Variants in JAK1 observed in about 807,000 individuals in gnomAD.
The protein encoded by JAK1 is Janus kinase 1.
Under a neutral mutation model 136.6 loss-of-function variants are expected in JAK1, and 16 were observed. The ratio of observed to expected loss-of-function variants is 0.12; its 90% CI spans 0.08 to 0.18. The LOEUF is 0.18. Among genes scored for constraint, JAK1 ranks in the 10% least tolerant of loss-of-function variants. JAK1 has a pLI of 1.00. For synonymous variants in JAK1, 492 were observed against 519.5 expected, an observed-to-expected ratio of 0.95 and a Z score of 0.72; for missense variants, 859 against 1,450.1, an observed-to-expected ratio of 0.59 and a Z score of 6.62.
chr1:64,869,283 C>A, intron 6 of JAK1, 28 bp downstream of exon 6: 7 of 1,604,608 alleles, frequency 4.4e-6, no homozygotes, highest in South Asian at 1.1e-5. Context: ...TCCTCACAAT[C>A]AATTCTTCAG....
chr1:64,847,731 G>T, intron 12 of JAK1, 56 bp from the exon 13 acceptor site: 1 of 1,579,932 alleles, frequency 6.3e-7, no homozygotes, highest in Admixed American at 1.8e-5. Flanking sequence ...GTGATGGACC[G>T]TCTGGGAATG....
intron 1 of JAK1, among the ~76,000 whole-genome samples, chr1:64,945,734 T>C (rs1207991169): frequency 1.3e-5 from 2 of 151,244 alleles, no homozygotes; most frequent in Non-Finnish European, 3.0e-5. Context: ...TTGCTTTCTT[T>C]TTTTTTTTCT....
At chr1:64,914,019 C>T (rs900106787) in intron 1 of JAK1, among the ~76,000 whole-genome samples, 3 of 152,110 alleles carry the variant, frequency 2.0e-5, no homozygotes, top group Admixed American at 1.3e-4. Context: ...CAGAGGCAGG[C>T]GTGGTCAACC....
At chr1:64,888,588 T>C (rs557277830) in intron 1 of JAK1, among the ~76,000 whole-genome samples, 3 of 152,342 alleles carry the variant, frequency 2.0e-5, no homozygotes, top group African/African-American at 7.2e-5. Context: ...CTGACTAAAA[T>C]CACTAAGATT....
In JAK1 at chr1:64,846,677, G is replaced by A. The variant is rs142797136; in HGVS notation, c.1959C>T (p.Leu653=). 2 of 1,614,030 alleles carry A rather than the reference G, an allele frequency of 1.2e-6. No homozygotes were observed. The highest frequency in any genetic ancestry group is 1.1e-5 in the South Asian group (1 of 91,080). ...CCACGTCGCGGACACAGACGCCATA[G>A]AGGTACACGATGTGTTTGTGGGAGA... The part of the protein sequence containing the change: ...RQVSHKHIVY[L]YGVCVRDVEN... The change falls in exon 14 of 25, where the codon CTC becomes CTT. Residue 653 remains leucine, a synonymous_variant. Transcript: ENST00000342505.
At chr1:65,058,369 C>T in intron 1 of JAK1, 4 of 533,650 alleles carry the variant, frequency 7.5e-6, no homozygotes, top group Non-Finnish European at 1.5e-5. Flanking sequence ...ACCTGTTTCA[C>T]ATTCCTCTTT....
intron 1 of JAK1, among the ~76,000 whole-genome samples, chr1:64,910,880 A>G (rs546920028): frequency 4.6e-5 from 7 of 150,760 alleles, no homozygotes; most frequent in African/African-American, 1.7e-4. Context: ...TAGGGCATTT[A>G]GATTCCAAAA....
At chr1:65,035,838 G>C (rs1370930657) in intron 2 of JAK1, among the ~76,000 whole-genome samples, 2 of 152,164 alleles carry the variant, frequency 1.3e-5, no homozygotes, top group African/African-American at 4.8e-5. Context: ...GGAGGCCGAG[G>C]CGGGCGGATC....
Position 64,847,591 on chromosome 1 carries a change from C to T in JAK1, c.1840G>A (p.Glu614Lys), listed in dbSNP as rs534249030. 6.2e-7 allele frequency: 1 copy of T among 1,614,134 alleles called. No homozygotes were observed. The highest frequency in any genetic ancestry group is 1.3e-5 in the African/African-American group (1 of 75,044). ...TTGAGGATCACTTTTATCTTCTTCTCTTCAGAAGTTCCTTCGTCATCCTTG... is the reference window on the plus strand; with the variant it reads ...TTGAGGATCACTTTTATCTTCTTCTTTTCAGAAGTTCCTTCGTCATCCTTG... ...DYKDDEGTSE[E>K]KKIKVILKVL... Residue 614 changes from glutamate (E) to lysine (K), a missense_variant, in exon 13 of 25, where the codon GAG becomes AAG. Transcript: ENST00000342505.
At chr1:65,024,802 C>T (rs529963525) in intron 2 of JAK1, among the ~76,000 whole-genome samples, 2 of 151,858 alleles carry the variant, frequency 1.3e-5, no homozygotes, top group African/African-American at 2.4e-5. Context: ...CATGGTGAGA[C>T]CCCATTTCTA....
chr1:64,893,585 T>A (rs1644971426), intron 1 of JAK1, among the ~76,000 whole-genome samples: 1 of 152,198 alleles, frequency 6.6e-6, no homozygotes, highest in Admixed American at 6.5e-5. Context: ...ACAGGGTTGT[T>A]GTGATGATGA....
chr1:64,947,683 T>A (rs1461006336), intron 1 of JAK1, among the ~76,000 whole-genome samples: 2 of 151,878 alleles, frequency 1.3e-5, no homozygotes. Context: ...GCAGTTTCAC[T>A]GAACAACAGG....
At chr1:65,034,591 C>A (rs2100821284) in intron 2 of JAK1, among the ~76,000 whole-genome samples, 1 of 152,208 alleles carries the variant, frequency 6.6e-6, no homozygotes, top group South Asian at 2.1e-4. Context: ...AGCTTTCTTC[C>A]TGTGGTTTCT....
chr1:64,965,156 T>A (rs529483150), intron 1 of JAK1, among the ~76,000 whole-genome samples: 1 of 152,324 alleles, frequency 6.6e-6, no homozygotes, highest in South Asian at 2.1e-4. Context: ...CTGATTTACA[T>A]CTCTCTCTGC....
At chr1:64,871,210 T>C (rs1657053999) in intron 5 of JAK1, among the ~76,000 whole-genome samples, 1 of 152,134 alleles carries the variant, frequency 6.6e-6, no homozygotes, top group African/African-American at 2.4e-5. Context: ...TTCTAAGGCA[T>C]AGATGGAATG....
At position 64,864,711 on chromosome 1, in the gene JAK1, G is replaced by C. The variant is rs1656584055; in HGVS notation, c.1176+76C>G. On this transcript the variant is annotated intron_variant, in intron 8 of 24. Transcript: ENST00000342505. ...TTAGGACAGGAACTCTGAAAATCAT[G>C]TGCTGCAGAACGGAACTCAGCAATT... The C allele has an allele frequency of 2.6e-6, 3 of 1,159,326 alleles. No homozygotes were observed. In the South Asian group the frequency reaches 4.3e-5, roughly 17 times the overall value. The allele number at this position is 1,159,326 out of a possible 1,614,324, so 71.8% of individuals were successfully genotyped here.
At chr1:64,868,342 T>C (rs1656840099) in intron 6 of JAK1, among the ~76,000 whole-genome samples, 2 of 152,164 alleles carry the variant, frequency 1.3e-5, no homozygotes, top group African/African-American at 4.8e-5. Flanking sequence ...TGGCCCCGGG[T>C]CATCCCTGCC....
At chr1:64,927,211 TC>T (rs1371495700) in intron 1 of JAK1, among the ~76,000 whole-genome samples, 2 of 152,150 alleles carry the variant, frequency 1.3e-5, no homozygotes, top group East Asian at 1.9e-4. Context: ...GTCTCCCGTG[TC>T]CCCTCCCCCC....
chr1:65,061,828 G>C (rs982719502), intron 1 of JAK1, among the ~76,000 whole-genome samples: 1 of 152,086 alleles, frequency 6.6e-6, no homozygotes, highest in Non-Finnish European at 1.5e-5. Flanking sequence ...TTGATGAGGT[G>C]GCAGGTTACA....
Sources: allele counts gnomAD v4.1 joint callset (sites outside exome capture counted in the v4.1 genomes callset), GRCh38; gene constraint gnomAD v4.1.1; transcripts MANE v1.5; gene names NCBI Gene and HGNC (gene_info 2026-07-23, HGNC 2026-07-21).